Variants in SLX4IP observed in about 807,000 individuals in gnomAD.
SLX4IP encodes SLX4 interacting protein.
A neutral mutation model predicts 32.9 loss-of-function variants in SLX4IP; 34 were observed. The observed-to-expected ratio is 1.03, with a 90% CI of 0.79 to 1.38. The LOEUF is 1.38. SLX4IP is among the 40% of genes most tolerant of loss of function. The pLI is 0.00. For synonymous variants in SLX4IP, 172 were observed against 171.7 expected, an observed-to-expected ratio of 1.00 and a Z score of -0.01; for missense variants, 444 against 479.0, an observed-to-expected ratio of 0.93 and a Z score of 0.68.
intron 2 of SLX4IP, among the ~76,000 whole-genome samples, chr20:10,493,247 AT>A (rs2065640549): frequency 6.6e-6 from 1 of 152,198 alleles, no homozygotes; most frequent in Non-Finnish European, 1.5e-5. Context: ...ATTGGGGAGC[AT>A]TGCAGTCTTA....
intron 2 of SLX4IP, among the ~76,000 whole-genome samples, chr20:10,505,789 C>T (rs113423166): frequency 1.8e-4 from 28 of 151,890 alleles, no homozygotes; most frequent in African/African-American, 5.8e-4. Flanking sequence ...TAAATATAAC[C>T]GAGTTGTATT....
rs187472944 is a variant in SLX4IP, at chr20:10,583,802, G to A, written c.239-14873G>A. On this transcript the variant is annotated intron_variant, in intron 4 of 7. Transcript: ENST00000334534. ...ATCAGTATTTTAGATTTGTTCATTA[G>A]GTATTTATATTACTAGTAAATACTG... Among the ~76,000 whole-genome samples the A allele has an allele frequency of 5.3e-5, 8 of 151,968 alleles. No individual in the cohort carries two copies. The East Asian group carries it at 1.5e-3, about 29-fold the overall frequency.
At chr20:10,485,212 T>C (rs958996971) in intron 2 of SLX4IP, among the ~76,000 whole-genome samples, 5 of 152,114 alleles carry the variant, frequency 3.3e-5, no homozygotes, top group Admixed American at 3.3e-4. Flanking sequence ...AATTGGGCTG[T>C]TTTTTGTATC....
chr20:10,551,276 C>T (rs769970675), intron 2 of SLX4IP, among the ~76,000 whole-genome samples: 1 of 152,104 alleles, frequency 6.6e-6, no homozygotes, highest in East Asian at 1.9e-4. Flanking sequence ...TCCCATTTCA[C>T]GAAATATGAA....
At chr20:10,552,887 AC>A (rs1353181948) in intron 2 of SLX4IP, among the ~76,000 whole-genome samples, 5 of 150,382 alleles carry the variant, frequency 3.3e-5, no homozygotes, top group Non-Finnish European at 5.9e-5. Context: ...AGAAAAAAAA[AC>A]AATTAGTTTT....
At chr20:10,568,756 A>C (rs1351541321) in intron 4 of SLX4IP, among the ~76,000 whole-genome samples, 1 of 152,216 alleles carries the variant, frequency 6.6e-6, no homozygotes, top group Non-Finnish European at 1.5e-5. Context: ...CATGAATTCC[A>C]ACTGTGGATT....
intron 2 of SLX4IP, among the ~76,000 whole-genome samples, chr20:10,475,702 GCCC>G (rs959099692): frequency 3.6e-4 from 55 of 152,242 alleles, no homozygotes; most frequent in African/African-American, 1.3e-3. Flanking sequence ...TGCACTTTCT[GCCC>G]CAATAGCAAA....
At chr20:10,531,108 C>A (rs992961113) in intron 2 of SLX4IP, among the ~76,000 whole-genome samples, 1 of 152,186 alleles carries the variant, frequency 6.6e-6, no homozygotes, top group Non-Finnish European at 1.5e-5. Flanking sequence ...GATACCAGGC[C>A]GCTGCCAGGC....
chr20:10,461,114 G>A (rs2065333958), intron 2 of SLX4IP, among the ~76,000 whole-genome samples: 1 of 152,184 alleles, frequency 6.6e-6, no homozygotes, highest in African/African-American at 2.4e-5. Context: ...TTATATGCTA[G>A]AGGAGTGAGA....
At chr20:10,580,530 C>A (rs1482276397) in intron 4 of SLX4IP, among the ~76,000 whole-genome samples, 1 of 146,662 alleles carries the variant, frequency 6.8e-6, no homozygotes, top group African/African-American at 2.5e-5. Context: ...TTGCAGTTGC[C>A]TATGCCTACC....
At chr20:10,529,328 C>T (rs2122461269) in intron 2 of SLX4IP, among the ~76,000 whole-genome samples, 2 of 152,116 alleles carry the variant, frequency 1.3e-5, no homozygotes, top group African/African-American at 4.8e-5. Flanking sequence ...GTGGCTCACC[C>T]CTGTAATCCT....
chr20:10,556,889 C>T (rs2066272213), intron 3 of SLX4IP, among the ~76,000 whole-genome samples: 1 of 152,208 alleles, frequency 6.6e-6, no homozygotes, highest in Admixed American at 6.5e-5. Context: ...GAGCCTCAGC[C>T]TCCTCATCTG....
At chr20:10,589,690 T>A (rs1186894314) in intron 4 of SLX4IP, among the ~76,000 whole-genome samples, 3 of 152,182 alleles carry the variant, frequency 2.0e-5, no homozygotes, top group African/African-American at 7.2e-5. Flanking sequence ...AAGTCAATGT[T>A]CATAGTACTG....
Position 10,622,817 on chromosome 20 carries a change from C to CA in SLX4IP, c.668dup (p.Asp224GlyfsTer7). 6.2e-7 allele frequency: 1 copy of CA among 1,614,134 alleles called. No individual in the cohort carries two copies. The highest frequency in any genetic ancestry group is 2.2e-5 in the East Asian group (1 of 44,868). Reference sequence around the variant, plus strand: ...CCCCCATCAGAATCCATGGGACAAGCAAAGGATTCCATAAAGGCAGCTGAG... The same window carrying CA: ...CCCCCATCAGAATCCATGGGACAAGCAAAAGGATTCCATAAAGGCAGCTGAG... On this transcript the variant is annotated frameshift_variant, in exon 8 of 8. Coordinates refer to ENST00000334534, the MANE Select transcript of SLX4IP (RefSeq NM_001009608.3). LOFTEE classifies it high-confidence loss of function.
In SLX4IP at chr20:10,528,857, T is replaced by C. The variant is rs372811438; in HGVS notation, c.28-27374T>C. Among the ~76,000 whole-genome samples, 5 of 152,228 alleles carry C rather than the reference T, an allele frequency of 3.3e-5. No individual in the cohort carries two copies. In the South Asian group the frequency reaches 6.2e-4, roughly 19 times the overall value. On this transcript the variant is annotated intron_variant, in intron 2 of 7. Coordinates refer to ENST00000334534, the MANE Select transcript of SLX4IP (RefSeq NM_001009608.3). ...TGTTTTTGTAATTCGGGATTTTTCT[T>C]CTGAACATAGATGCAGACATTTCAG... is the stretch of plus-strand genomic sequence containing the variant.
At position 10,566,331 on chromosome 20, in the gene SLX4IP, T is replaced by G. The variant is rs1202991587; in HGVS notation, c.238+5511T>G. Among the ~76,000 whole-genome samples the G allele has an allele frequency of 3.1e-5, 4 of 128,746 alleles. No individual in the cohort carries two copies. In the South Asian group the frequency reaches 1.0e-3, roughly 33 times the overall value. 84.5% of individuals were successfully genotyped at this position (128,746 alleles called of 152,430 possible). A position where few individuals can be genotyped will look rare whatever the true frequency, so the allele number is the denominator to read the frequency against. ...TTTTTTGTCTATATACCTCTCTCCCTCCATTCATCTCATCATGAGCCAGCA... is the reference window on the plus strand; with the variant it reads ...TTTTTTGTCTATATACCTCTCTCCCGCCATTCATCTCATCATGAGCCAGCA... On this transcript the variant is annotated intron_variant, in intron 4 of 7. Coordinates refer to ENST00000334534, the MANE Select transcript of SLX4IP (RefSeq NM_001009608.3).
chr20:10,440,459 A>C (rs1243571734), intron 1 of SLX4IP, among the ~76,000 whole-genome samples: 2 of 152,110 alleles, frequency 1.3e-5, no homozygotes. Context: ...TGTCTCAAAA[A>C]AAACCTAGAA....
chr20:10,476,973 A>C (rs951551599), intron 2 of SLX4IP, among the ~76,000 whole-genome samples: 1 of 152,222 alleles, frequency 6.6e-6, no homozygotes, highest in African/African-American at 2.4e-5. Context: ...TCCAAATTTC[A>C]GCAAAACCAA....
In SLX4IP at chr20:10,459,365, A is replaced by T. The variant is rs80070781; in HGVS notation, c.27+1134A>T. ...TTGCTGTGCAGAAGCTCTTTAGTTTAGTTTGATCCCATTTGTCAATTTTTG... is the reference window on the plus strand; with the variant it reads ...TTGCTGTGCAGAAGCTCTTTAGTTTTGTTTGATCCCATTTGTCAATTTTTG... On this transcript the variant is annotated intron_variant, in intron 2 of 7. Transcript: ENST00000334534. Among the ~76,000 whole-genome samples the T allele has an allele frequency of 4.6e-3, 697 of 152,134 alleles. 7 individuals carry two copies. Among genetic ancestry groups the T allele is most frequent in the African/African-American group, 0.016 (654 of 41,524 alleles).
Sources: allele counts gnomAD v4.1 joint callset (sites outside exome capture counted in the v4.1 genomes callset), GRCh38; gene constraint gnomAD v4.1.1; transcripts MANE v1.5; gene names NCBI Gene and HGNC (gene_info 2026-07-23, HGNC 2026-07-21).